Variants in CFAP45 observed in about 807,000 individuals in gnomAD.
CFAP45 encodes cilia and flagella associated protein 45.
Under a neutral mutation model 75.6 loss-of-function variants are expected in CFAP45, and 43 were observed. That is an observed-to-expected ratio of 0.57 (90% confidence interval 0.45 to 0.73). The LOEUF (loss-of-function observed/expected upper bound fraction) is 0.73, where lower values mean the gene tolerates loss of function less well. Among genes scored for constraint, CFAP45 ranks in the 30% least tolerant of loss-of-function variants. The pLI is 0.00. For missense variants in CFAP45, 689 were observed against 701.5 expected, an observed-to-expected ratio of 0.98 and a Z score of 0.20; for synonymous variants, 223 against 244.6, an observed-to-expected ratio of 0.91 and a Z score of 0.82.
In CFAP45 at chr1:159,888,490, G is replaced by A. The variant is rs921807358; in HGVS notation, c.279C>T (p.Pro93=). The stretch of plus-strand genomic sequence containing the variant: ...GGGACTCCCCGGAGGGATCCTCTGT[G>A]GGAACACTGTCACAAGAATAAACAG... ...TRDMVRELIV[P]TEDPSGESLI... Residue 93 remains proline (P), a synonymous_variant, in exon 4 of 12, where the codon CCC becomes CCT. Coordinates refer to ENST00000368099, the MANE Select transcript of CFAP45 (RefSeq NM_012337.3). 9 of 1,582,892 alleles carry A rather than the reference G, an allele frequency of 5.7e-6. No homozygotes were observed. The highest frequency in any genetic ancestry group is 7.8e-6 in the Non-Finnish European group (9 of 1,153,386).
In CFAP45 at chr1:159,873,073, C is replaced by T. The variant is rs545770745; in HGVS notation, c.1448G>A (p.Arg483His). The T allele has an allele frequency of 1.1e-5, 18 of 1,614,230 alleles. No homozygotes were observed. Among genetic ancestry groups the T allele is most frequent in the East Asian group, 6.7e-5 (3 of 44,866 alleles). The change falls in exon 11 of 12, where the codon CGC (arginine) becomes CAC (histidine). Residue 483 changes from arginine to histidine, a missense_variant. By Grantham distance (29) the Arg-to-His change is conservative (BLOSUM62 0). Transcript: ENST00000368099. ...CTGCACTTCCTTCTGCTGGTTCTCGCGCACCTGGCGCCGGAGCTCATTGGC... is the reference window on the plus strand; with the variant it reads ...CTGCACTTCCTTCTGCTGGTTCTCGTGCACCTGGCGCCGGAGCTCATTGGC... ...QHANELRRQV[R>H]ENQQKEVQNR...
In CFAP45 at chr1:159,886,711, G is replaced by C. The variant is rs1052256737; in HGVS notation, c.589-22C>G. On this transcript the variant is annotated intron_variant, in intron 5 of 11. Coordinates refer to ENST00000368099, the MANE Select transcript of CFAP45 (RefSeq NM_012337.3). ...TAATCTGGAGAGTGGAGATTAAACT[G>C]TAGCACTAGGCCTAGGGATGTGTAA... 1.9e-6 allele frequency: 3 copies of C among 1,602,368 alleles called. No homozygotes were observed. The African/African-American group carries it at 4.0e-5, about 21-fold the overall frequency.
At chr1:159,899,844 T>C (rs982881971) in intron 1 of CFAP45, 29 of 476,710 alleles carry the variant, frequency 6.1e-5, no homozygotes, top group Non-Finnish European at 1.0e-4. Context: ...GGGGAGAGGG[T>C]TGGGGCATCC....
intron 7 of CFAP45, among the ~76,000 whole-genome samples, chr1:159,881,511 C>T (rs938212821): frequency 2.2e-4 from 34 of 152,314 alleles, no homozygotes; most frequent in African/African-American, 7.9e-4. Flanking sequence ...GGACAAGGGA[C>T]CTTGTGTCAC....
rs1196971013 is a variant in CFAP45 at position 159,881,244 on chromosome 1, AG to A, written c.898-545del. On this transcript the variant is annotated intron_variant, in intron 7 of 11. Transcript: ENST00000368099. ...CTCTCTTGCTCCAATAAAGAAACTG[AG>A]GCCCAGCATTGAAGTGACTTCCCCA... 2.7e-4 allele frequency among the ~76,000 whole-genome samples: 41 copies of A among 152,366 alleles called. 1 individual carries two copies. Among genetic ancestry groups the A allele is most frequent in the African/African-American group, 9.6e-4 (40 of 41,592 alleles).
In CFAP45 at chr1:159,880,634, T is replaced by A. The variant is rs758851608; in HGVS notation, c.964A>T (p.Asn322Tyr). The A allele has an allele frequency of 6.2e-6, 10 of 1,613,910 alleles. No individual in the cohort carries two copies. The East Asian group carries it at 2.2e-4, about 36-fold the overall frequency. The change falls in exon 8 of 12, where the codon AAC becomes TAC. Residue 322 changes from asparagine (N) to tyrosine (Y), a missense_variant. Transcript: ENST00000368099. ...QAEIKRINDE[N>Y]QKQKAELLAQ... ...AGCAGTTCTGCTTTCTGTTTCTGGT[T>A]TTCATCATTGATGCGCTTAATCTCA...
chr1:159,888,553 C>A, intron 3 of CFAP45, 57 bp from the exon 4 acceptor site: 3 of 1,521,862 alleles, frequency 2.0e-6, no homozygotes, highest in Non-Finnish European at 2.7e-6. Context: ...CAGCACCACA[C>A]TTCAGGCTTC....
rs980095259 is a variant in CFAP45, at chr1:159,888,069, C to T, written c.418-58G>A. On this transcript the variant is annotated intron_variant, in intron 4 of 11. Transcript: ENST00000368099. ...TATTTCATGCGCTCTGTGCCCTGGGCGCTAGCCTGGCTACCACAGGTGACC... is the reference window on the plus strand; with the variant it reads ...TATTTCATGCGCTCTGTGCCCTGGGTGCTAGCCTGGCTACCACAGGTGACC... 115 of 1,563,662 alleles carry T rather than the reference C, an allele frequency of 7.4e-5. No homozygotes were observed. The Middle Eastern group carries it at 8.5e-4, about 12-fold the overall frequency.
rs1419699302 is a variant in CFAP45, at chr1:159,886,611, T to A, written c.667A>T (p.Thr223Ser). Reference protein sequence around the residue: ...EKQQIQKELDTEEKRLDQMME... With the variant: ...EKQQIQKELDSEEKRLDQMME... ...ATCTGATCCAACCGCTTCTCTTCTG[T>A]GTCCAGTTCTTTTTGGATCTGCTGC... The change falls in exon 6 of 12, where the codon ACA (threonine) becomes TCA (serine). Residue 223 changes from threonine to serine, a missense_variant. Physicochemically the swap from Thr to Ser is moderately conservative, Grantham distance 58. Coordinates refer to ENST00000368099, the MANE Select transcript of CFAP45 (RefSeq NM_012337.3). 6.2e-7 allele frequency: 1 copy of A among 1,614,050 alleles called. No homozygotes were observed. Among genetic ancestry groups the A allele is most frequent in the Non-Finnish European group, 8.5e-7 (1 of 1,180,010 alleles).
chr1:159,897,418 A>G (rs1287690194), intron 1 of CFAP45, among the ~76,000 whole-genome samples: 14 of 152,110 alleles, frequency 9.2e-5, no homozygotes, highest in Non-Finnish European at 2.1e-4. Flanking sequence ...ACTCGTCTCT[A>G]CAAAAAATAC....
Position 159,890,501 on chromosome 1 carries a change from C to T in CFAP45, c.251G>A (p.Arg84Gln), listed in dbSNP as rs142731231. Residue 84 changes from arginine (R) to glutamine (Q), a missense_variant, in exon 3 of 12, where the codon CGG becomes CAG. By Grantham distance (43) the Arg-to-Gln change is conservative. Coordinates refer to ENST00000368099, the MANE Select transcript of CFAP45 (RefSeq NM_012337.3). ...TCACATGAGTTCTCGGACCATGTCC[C>T]GGGTGATGAGCTGGATGGTCTCTGG... ...RKPETIQLIT[R>Q]DMVRELIVPT... 59 of 1,614,048 alleles carry T rather than the reference C, an allele frequency of 3.7e-5. No homozygotes were observed. In the East Asian group the frequency reaches 6.5e-4, roughly 18 times the overall value.
chr1:159,877,399 C>T lies in CFAP45; in HGVS notation c.1108G>A (p.Ala370Thr), dbSNP rs779458678. The T allele has an allele frequency of 4.3e-6, 7 of 1,613,936 alleles. No homozygotes were observed. Among genetic ancestry groups the T allele is most frequent in the Non-Finnish European group, 5.9e-6 (7 of 1,179,956 alleles). The change falls in exon 9 of 12, where the codon GCA becomes ACA. Residue 370 changes from alanine (A) to threonine (T), a missense_variant. Transcript: ENST00000368099. ...RIRREKEKEI[A>T]RLRAMQEKAQ... ...TTCTCCTGCATGGCCCTCAAGCGTG[C>T]GATCTCCTTCTCTTTCTCCCTCCGG...
chr1:159,874,652 C>T (rs1649358625), intron 10 of CFAP45, among the ~76,000 whole-genome samples: 3 of 152,264 alleles, frequency 2.0e-5, no homozygotes, highest in African/African-American at 4.8e-5. Flanking sequence ...CCGGTGGTGC[C>T]AGGCAGTTGA....
chr1:159,894,904 A>G (rs1183579424), intron 1 of CFAP45, among the ~76,000 whole-genome samples: 1 of 152,210 alleles, frequency 6.6e-6, no homozygotes, highest in Non-Finnish European at 1.5e-5. Context: ...CGATACCAGC[A>G]GCGGCACCCT....
At chr1:159,876,303 A>G in intron 10 of CFAP45, 2 of 561,148 alleles carry the variant, frequency 3.6e-6, no homozygotes, top group South Asian at 4.3e-5. Flanking sequence ...TTACTGTTCC[A>G]GGGTAAATAA....
intron 1 of CFAP45, among the ~76,000 whole-genome samples, chr1:159,895,289 G>T (rs1242810686): frequency 6.6e-6 from 1 of 152,160 alleles, no homozygotes; most frequent in African/African-American, 2.4e-5. Flanking sequence ...TCTAAACTGG[G>T]CTACCTTGAA....
At chr1:159,888,665 G>T (rs1054031529) in intron 3 of CFAP45, among the ~76,000 whole-genome samples, 169 bp from the exon 4 acceptor site, 3 of 151,768 alleles carry the variant, frequency 2.0e-5, no homozygotes, top group African/African-American at 7.2e-5. Flanking sequence ...TGTTCCAAGT[G>T]GGGGGTCAGG....
At chr1:159,874,643 C>T (rs966729218) in intron 10 of CFAP45, among the ~76,000 whole-genome samples, 15 of 152,148 alleles carry the variant, frequency 9.9e-5, no homozygotes, top group Non-Finnish European at 2.1e-4. Flanking sequence ...TAGAGAGCCC[C>T]GGTGGTGCCA....
intron 10 of CFAP45, 84 bp from the exon 11 acceptor site, chr1:159,873,252 C>A (rs1005599326): frequency 8.8e-6 from 10 of 1,138,984 alleles, no homozygotes; most frequent in Admixed American, 2.0e-5. Context: ...CCTGGGTGGG[C>A]TCCTTCAGTA....
Sources: allele counts gnomAD v4.1 joint callset (sites outside exome capture counted in the v4.1 genomes callset), GRCh38; gene constraint gnomAD v4.1.1; transcripts MANE v1.5; gene names NCBI Gene and HGNC (gene_info 2026-07-23, HGNC 2026-07-21).